RAB31: variants seen among roughly 807,000 people sequenced by gnomAD.
RAB31 encodes the protein RAB31, member RAS oncogene family, also known as ras-related protein Rab-31.
A neutral mutation model predicts 25.6 loss-of-function variants in RAB31; 21 were observed. That is an observed-to-expected ratio of 0.82 (90% CI 0.58 to 1.18). RAB31 has a LOEUF of 1.18. RAB31 is among the 50% of genes most tolerant of loss of function. The pLI is 0.00. For missense variants in RAB31, 196 were observed against 250.1 expected (o/e 0.78, Z 1.46); for synonymous variants, 87 against 84.0 (o/e 1.04, Z -0.20).
intron 1 of RAB31, among the ~76,000 whole-genome samples, chr18:9,721,890 T>C (rs947047963): frequency 4.2e-4 from 63 of 150,450 alleles, no homozygotes; most frequent in African/African-American, 1.5e-3. Flanking sequence ...TTGGGAGGAG[T>C]GTGGTTTCAG....
chr18:9,730,630 G>T (rs957464331), intron 1 of RAB31, among the ~76,000 whole-genome samples: 1 of 152,202 alleles, frequency 6.6e-6, no homozygotes, highest in Non-Finnish European at 1.5e-5. Context: ...TTAGTTGCAT[G>T]TGGAGAAGCT....
At chr18:9,774,737 A>G (rs1331430443) in intron 1 of RAB31, 1 of 412,064 alleles carries the variant, frequency 2.4e-6, no homozygotes, top group East Asian at 6.0e-5. Context: ...AGAGAGAAAG[A>G]ACTGAGACAA....
chr18:9,742,894 T>C (rs1436338992), intron 1 of RAB31, among the ~76,000 whole-genome samples: 1 of 152,196 alleles, frequency 6.6e-6, no homozygotes, highest in Admixed American at 6.5e-5. Flanking sequence ...TTTTCCTTCT[T>C]CTTCTTTTTA....
At chr18:9,760,578 A>C (rs897918946) in intron 1 of RAB31, among the ~76,000 whole-genome samples, 1 of 152,148 alleles carries the variant, frequency 6.6e-6, no homozygotes, top group African/African-American at 2.4e-5. Flanking sequence ...GAGAAGGGTC[A>C]GTAGGATTAT....
chr18:9,719,355 A>T (rs2068062994), intron 1 of RAB31, among the ~76,000 whole-genome samples: 4 of 121,118 alleles, frequency 3.3e-5, no homozygotes, highest in African/African-American at 9.3e-5. Context: ...TCTAATTATG[A>T]GGGAGGGGAA....
chr18:9,819,335 C>T (rs1384259892), intron 5 of RAB31, among the ~76,000 whole-genome samples: 1 of 152,102 alleles, frequency 6.6e-6, no homozygotes, highest in Non-Finnish European at 1.5e-5. Context: ...GGTTTCTTTC[C>T]CATTGAATCT....
At chr18:9,819,584 T>G (rs2068615364) in intron 5 of RAB31, among the ~76,000 whole-genome samples, 1 of 152,148 alleles carries the variant, frequency 6.6e-6, no homozygotes, top group Non-Finnish European at 1.5e-5. Flanking sequence ...TAGGATCTAT[T>G]TCTTAATTTC....
intron 6 of RAB31, among the ~76,000 whole-genome samples, chr18:9,850,588 T>A (rs1269921921): frequency 6.6e-6 from 1 of 152,220 alleles, no homozygotes; most frequent in African/African-American, 2.4e-5. Flanking sequence ...ATTTAAGTGT[T>A]GACTGTGGCA....
chr18:9,814,415 A>G (rs1039602992), intron 4 of RAB31, among the ~76,000 whole-genome samples: 3 of 152,198 alleles, frequency 2.0e-5, no homozygotes, highest in African/African-American at 7.2e-5. Context: ...TTACTGTTTC[A>G]ATCATACTAC....
intron 1 of RAB31, among the ~76,000 whole-genome samples, chr18:9,713,535 T>G (rs1288924706): frequency 6.6e-6 from 1 of 152,206 alleles, no homozygotes; most frequent in Non-Finnish European, 1.5e-5. Context: ...ATGGAATCCA[T>G]CAGGGTCCCT....
intron 1 of RAB31, among the ~76,000 whole-genome samples, chr18:9,759,120 G>A (rs1261842740): frequency 6.6e-6 from 1 of 152,260 alleles, no homozygotes; most frequent in East Asian, 1.9e-4. Context: ...AAGGTGGCCT[G>A]AAACATGGCG....
At chr18:9,806,549 G>A (rs986705917) in intron 3 of RAB31, among the ~76,000 whole-genome samples, 1 of 152,070 alleles carries the variant, frequency 6.6e-6, no homozygotes, top group African/African-American at 2.4e-5. Context: ...GAGACAAGCA[G>A]GGGAGGGGCC....
intron 1 of RAB31, among the ~76,000 whole-genome samples, chr18:9,751,416 T>A (rs1288340260): frequency 6.6e-6 from 1 of 152,186 alleles, no homozygotes; most frequent in Admixed American, 6.5e-5. Context: ...AAATGCTGAG[T>A]GCATGTGCAA....
At chr18:9,745,168 A>G (rs925200123) in intron 1 of RAB31, among the ~76,000 whole-genome samples, 2 of 152,254 alleles carry the variant, frequency 1.3e-5, no homozygotes, top group African/African-American at 4.8e-5. Context: ...AGAGAATACT[A>G]TGATCACTTG....
chr18:9,840,364 C>A (rs2068727041), intron 5 of RAB31, among the ~76,000 whole-genome samples: 1 of 152,120 alleles, frequency 6.6e-6, no homozygotes, highest in Non-Finnish European at 1.5e-5. Context: ...ATATAGTAAA[C>A]CCTATACACT....
intron 5 of RAB31, among the ~76,000 whole-genome samples, chr18:9,832,818 C>T (rs569882923): frequency 4.7e-4 from 72 of 152,280 alleles, no homozygotes; most frequent in African/African-American, 1.7e-3. Flanking sequence ...AGCAGACTTG[C>T]AATCCTGGGA....
intron 2 of RAB31, among the ~76,000 whole-genome samples, chr18:9,790,072 CCT>C (rs2068452666): frequency 6.6e-6 from 1 of 152,068 alleles, no homozygotes; most frequent in Non-Finnish European, 1.5e-5. Flanking sequence ...GTGAAGAACC[CCT>C]GACTCTTTAC....
At chr18:9,789,239 G>A (rs1023442797) in intron 2 of RAB31, among the ~76,000 whole-genome samples, 2 of 152,196 alleles carry the variant, frequency 1.3e-5, no homozygotes, top group Admixed American at 1.3e-4. Flanking sequence ...GGTTGGGGGA[G>A]GGAAGGATAG....
intron 3 of RAB31, 148 bp downstream of exon 3, chr18:9,792,383 T>G (rs779024045): frequency 1.4e-6 from 2 of 1,393,538 alleles, no homozygotes; most frequent in Admixed American, 2.5e-5. Flanking sequence ...ATGTACTCAT[T>G]AGCTATGTGA....
Sources: gnomAD v4.1 joint callset for allele counts (sites outside exome capture counted in the v4.1 genomes callset) on GRCh38, gnomAD v4.1.1 for gene constraint, MANE v1.5 for transcripts, NCBI Gene and HGNC (gene_info 2026-07-23, HGNC 2026-07-21) for gene names.